The following GRID2 variants were observed in gnomAD, a reference collection of about 807,000 sequenced individuals.
GRID2 encodes glutamate ionotropic receptor delta type subunit 2.
Under a neutral mutation model 114.8 loss-of-function variants are expected in GRID2, and 33 were observed. That is an observed-to-expected ratio of 0.29 (90% CI 0.22 to 0.38). GRID2 has a LOEUF of 0.38. GRID2 is among the 10% of genes least tolerant of loss of function. The probability of loss-of-function intolerance (pLI) is 1.00; values close to 1 mark genes in which losing one functional copy is unlikely to be tolerated. For synonymous variants in GRID2, 505 were observed against 449.9 expected (o/e 1.12, Z -1.55); for missense variants, 1,184 against 1,257.7 (o/e 0.94, Z 0.89).
intron 13 of GRID2, among the ~76,000 whole-genome samples, chr4:93,583,319 C>A (rs73839598): frequency 0.032 from 4,851 of 152,194 alleles, 247 homozygotes; most frequent in African/African-American, 0.11. Context: ...TTATAATTAA[C>A]TTTCTAGTTT....
intron 4 of GRID2, among the ~76,000 whole-genome samples, chr4:93,173,522 G>A (rs1427727735): frequency 6.6e-6 from 1 of 152,148 alleles, no homozygotes; most frequent in Non-Finnish European, 1.5e-5. Flanking sequence ...AATTTGATAA[G>A]CTTGGAATTG....
chr4:93,504,771 C>T (rs1728462695), intron 12 of GRID2, among the ~76,000 whole-genome samples: 1 of 150,858 alleles, frequency 6.6e-6, no homozygotes, highest in Non-Finnish European at 1.5e-5. Flanking sequence ...AGAAGGTTCA[C>T]AAATTATGCA....
chr4:93,106,484 C>T (rs532391974), intron 3 of GRID2, among the ~76,000 whole-genome samples: 40 of 152,184 alleles, frequency 2.6e-4, no homozygotes, highest in African/African-American at 8.9e-4. Flanking sequence ...GTAGCTGGGA[C>T]GACGAGCATG....
Position 93,631,419 on chromosome 4 carries a change from A to G in GRID2, c.2360+4984A>G, listed in dbSNP as rs545291739. Among the ~76,000 whole-genome samples the G allele has an allele frequency of 3.9e-4, 60 of 152,132 alleles. 1 individual carries two copies. The highest frequency in any genetic ancestry group is 3.4e-3 in the Middle Eastern group (1 of 294). On this transcript the variant is annotated intron_variant, in intron 14 of 15. Transcript: ENST00000282020. Reference sequence around the variant, plus strand: ...TGTGATGCTCCCCTTCCCGTGTCCAAGTGTTCTCATTGTTCAATTCCCACC... The same window carrying G: ...TGTGATGCTCCCCTTCCCGTGTCCAGGTGTTCTCATTGTTCAATTCCCACC...
chr4:92,684,572 G>A (rs1177473686), intron 2 of GRID2, among the ~76,000 whole-genome samples: 2 of 151,890 alleles, frequency 1.3e-5, no homozygotes, highest in African/African-American at 4.8e-5. Context: ...TGATCAAATT[G>A]TATTACAAAC....
chr4:92,974,242 G>C (rs1027197970), intron 2 of GRID2, among the ~76,000 whole-genome samples: 1 of 152,114 alleles, frequency 6.6e-6, no homozygotes, highest in East Asian at 1.9e-4. Context: ...GTTGGTGGGA[G>C]TGTAAATTAG....
At chr4:93,373,348 T>C (rs1429630126) in intron 8 of GRID2, among the ~76,000 whole-genome samples, 4 of 152,118 alleles carry the variant, frequency 2.6e-5, no homozygotes, top group Non-Finnish European at 5.9e-5. Context: ...AAATATCTCT[T>C]TAGTTTCTAC....
Position 93,063,950 on chromosome 4 carries a change from T to C in GRID2, c.245-21045T>C, listed in dbSNP as rs991427738. On this transcript the variant is annotated intron_variant, in intron 2 of 15. Transcript: ENST00000282020. ...TTAAAGTTAAAGGAATTATCTTTTC[T>C]CAATGTCCCACAATATCAGAAATTT... is the stretch of plus-strand genomic sequence containing the variant. Among the ~76,000 whole-genome samples the C allele has an allele frequency of 4.8e-4, 73 of 151,204 alleles. 1 individual carries two copies. The highest frequency in any genetic ancestry group is 1.8e-3 in the Admixed American group (27 of 15,104).
At chr4:92,411,651 G>GTATATATATATATATATATATATATATA (rs1365702947) in intron 1 of GRID2, among the ~76,000 whole-genome samples, 5 of 96,336 alleles carry the variant, frequency 5.2e-5, no homozygotes, top group African/African-American at 1.0e-4. Context: ...GTGTGTGTGT[G>GTATATATATATATATATATATATATATA]TGTGTATATA....
Position 92,605,641 on chromosome 4 carries a change from A to G in GRID2, c.244+15355A>G, listed in dbSNP as rs1277900406. Among the ~76,000 whole-genome samples the G allele has an allele frequency of 3.9e-5, 6 of 152,130 alleles. No homozygotes were observed. The South Asian group carries it at 6.2e-4, about 16-fold the overall frequency. ...TTGAGTAGTAGACAGACATGAAAAT[A>G]TGAAGGGAATAGCATTCCAAGCTAT... On this transcript the variant is annotated intron_variant, in intron 2 of 15. Transcript: ENST00000282020.
intron 4 of GRID2, among the ~76,000 whole-genome samples, chr4:93,200,565 C>CA (rs1193157530): frequency 9.8e-6 from 1 of 102,312 alleles, no homozygotes; most frequent in African/African-American, 4.8e-5. Context: ...GACTCCGTCT[C>CA]AAAACAAACA....
rs1466449661 is a variant in GRID2, at chr4:93,490,592, A to G, written c.1859-47A>G. The stretch of plus-strand genomic sequence containing the variant: ...GAATATAGATGACTTCAGATCCTCA[A>G]TAAATACTAGTTGATGTTCTTTTTA... On this transcript the variant is annotated intron_variant, in intron 11 of 15. Coordinates refer to ENST00000282020, the MANE Select transcript of GRID2 (RefSeq NM_001510.4). 12 of 1,508,692 alleles carry G rather than the reference A, an allele frequency of 8.0e-6. No homozygotes were observed. The East Asian group carries it at 1.1e-4, about 14-fold the overall frequency. The allele number at this position is 1,508,692 out of a possible 1,614,324, so 93.5% of individuals were successfully genotyped here.
At chr4:92,877,124 G>T (rs779476304) in intron 2 of GRID2, among the ~76,000 whole-genome samples, 2 of 152,082 alleles carry the variant, frequency 1.3e-5, no homozygotes, top group African/African-American at 2.4e-5. Flanking sequence ...CTAACTCTGG[G>T]ACCTCAATCT....
intron 1 of GRID2, among the ~76,000 whole-genome samples, chr4:92,525,243 A>C (rs1724987151): frequency 6.6e-6 from 1 of 152,052 alleles, no homozygotes; most frequent in Non-Finnish European, 1.5e-5. Flanking sequence ...TTTGAATATA[A>C]AAATCTTAGA....
intron 13 of GRID2, among the ~76,000 whole-genome samples, chr4:93,599,097 C>T (rs917107392): frequency 3.3e-5 from 5 of 152,194 alleles, no homozygotes; most frequent in African/African-American, 1.2e-4. Flanking sequence ...TATTTAAAAC[C>T]AGGAAATGAT....
chr4:93,573,806 T>G (rs1736154073), intron 13 of GRID2, among the ~76,000 whole-genome samples: 1 of 152,158 alleles, frequency 6.6e-6, no homozygotes, highest in Non-Finnish European at 1.5e-5. Flanking sequence ...CCACTGCAAA[T>G]AGAGTTCCAC....
chr4:92,878,106 C>A (rs1054459218), intron 2 of GRID2, among the ~76,000 whole-genome samples: 2 of 152,134 alleles, frequency 1.3e-5, no homozygotes, highest in African/African-American at 4.8e-5. Flanking sequence ...GGGTTAAATT[C>A]TTCTACAGAG....
chr4:92,488,191 T>C (rs1722985381), intron 1 of GRID2, among the ~76,000 whole-genome samples: 1 of 152,190 alleles, frequency 6.6e-6, no homozygotes, highest in African/African-American at 2.4e-5. Flanking sequence ...AAATGTTTGG[T>C]TAAATTCTTA....
intron 1 of GRID2, among the ~76,000 whole-genome samples, chr4:93,797,254 C>T (rs1000696511): frequency 6.6e-6 from 1 of 152,120 alleles, no homozygotes. Flanking sequence ...ACTTACATGT[C>T]AAAATAGATG....
Sources: gnomAD v4.1 joint callset for allele counts (sites outside exome capture counted in the v4.1 genomes callset) on GRCh38, gnomAD v4.1.1 for gene constraint, MANE v1.5 for transcripts, NCBI Gene and HGNC (gene_info 2026-07-23, HGNC 2026-07-21) for gene names.